Variants in CNTNAP2 observed in about 807,000 individuals in gnomAD.
CNTNAP2 encodes contactin-associated protein-like 2.
Under a neutral mutation model 155.2 loss-of-function variants are expected in CNTNAP2, and 98 were observed. The ratio of observed to expected loss-of-function variants is 0.63; its 90% CI spans 0.54 to 0.75. The LOEUF is 0.75. Ranked by LOEUF, CNTNAP2 falls within the 30% of genes least tolerant of loss-of-function variation. CNTNAP2 has a pLI of 0.00. For synonymous variants in CNTNAP2, 651 were observed against 631.2 expected (o/e 1.03, Z -0.47); for missense variants, 1,727 against 1,688.1 (o/e 1.02, Z -0.40).
At chr7:148,059,777 A>G (rs1013896096) in intron 15 of CNTNAP2, among the ~76,000 whole-genome samples, 1 of 149,348 alleles carries the variant, frequency 6.7e-6, no homozygotes, top group East Asian at 1.9e-4. Flanking sequence ...ATATATATAT[A>G]TTTAGTAAGG....
At chr7:147,800,478 A>G (rs566599582) in intron 13 of CNTNAP2, among the ~76,000 whole-genome samples, 2 of 152,310 alleles carry the variant, frequency 1.3e-5, no homozygotes, top group Non-Finnish European at 2.9e-5. Flanking sequence ...TCACTTTAAA[A>G]AAAAAAAAGT....
intron 13 of CNTNAP2, among the ~76,000 whole-genome samples, chr7:147,737,008 T>C (rs958896363): frequency 9.2e-5 from 14 of 152,230 alleles, no homozygotes; most frequent in Non-Finnish European, 2.1e-4. Flanking sequence ...ATCTGAAGCC[T>C]TCTTCTCTCA....
At chr7:147,726,395 G>A (rs12531094) in intron 13 of CNTNAP2, among the ~76,000 whole-genome samples, 1,708 of 152,066 alleles carry the variant, frequency 0.011, 93 homozygotes, top group Admixed American at 0.087. Flanking sequence ...CATGACAGAC[G>A]AGGGTTGGTA....
chr7:146,302,778 T>C (rs1333636676), intron 1 of CNTNAP2, among the ~76,000 whole-genome samples: 1 of 152,132 alleles, frequency 6.6e-6, no homozygotes. Context: ...CATCATCTTA[T>C]TATTACTATG....
At chr7:147,730,870 C>T (rs185196532) in intron 13 of CNTNAP2, among the ~76,000 whole-genome samples, 6 of 152,016 alleles carry the variant, frequency 3.9e-5, no homozygotes, top group Non-Finnish European at 8.8e-5. Context: ...AAAACATGAA[C>T]GATAGAAAAG....
chr7:147,325,961 A>C (rs544662761), intron 9 of CNTNAP2, among the ~76,000 whole-genome samples: 13 of 152,142 alleles, frequency 8.5e-5, no homozygotes, highest in South Asian at 4.2e-4. Context: ...CTTGCTCTGT[A>C]GCCCTGGCTG....
chr7:146,166,138 GGC>G (rs1362189589), intron 1 of CNTNAP2, among the ~76,000 whole-genome samples: 4 of 152,088 alleles, frequency 2.6e-5, no homozygotes, highest in African/African-American at 9.7e-5. Context: ...TTGTTGCCCA[GGC>G]TGGAGTGCAG....
intron 13 of CNTNAP2, among the ~76,000 whole-genome samples, chr7:147,642,145 C>T (rs972653872): frequency 1.6e-4 from 24 of 151,998 alleles, no homozygotes; most frequent in Admixed American, 2.6e-4. Flanking sequence ...GTTTCATGAG[C>T]GGCTGCTCCT....
intron 1 of CNTNAP2, among the ~76,000 whole-genome samples, chr7:146,759,841 C>T (rs2129183803): frequency 6.6e-6 from 1 of 152,158 alleles, no homozygotes; most frequent in Non-Finnish European, 1.5e-5. Context: ...TACCATAACA[C>T]CAATTAATAA....
chr7:146,168,889 A>G (rs1252646531), intron 1 of CNTNAP2, among the ~76,000 whole-genome samples: 2 of 152,136 alleles, frequency 1.3e-5, no homozygotes, highest in African/African-American at 2.4e-5. Flanking sequence ...ATACAAACCA[A>G]TGTCTTTAAA....
At chr7:148,156,012 G>C (rs138165381) in intron 17 of CNTNAP2, among the ~76,000 whole-genome samples, 15 of 152,336 alleles carry the variant, frequency 9.8e-5, no homozygotes, top group Admixed American at 6.5e-4. Context: ...CAGTTATGGA[G>C]TCTATGGGAG....
intron 1 of CNTNAP2, among the ~76,000 whole-genome samples, chr7:146,366,973 T>C (rs1002324510): frequency 6.6e-6 from 1 of 152,158 alleles, no homozygotes; most frequent in African/African-American, 2.4e-5. Flanking sequence ...ATCATATCTT[T>C]CCTTGAAAGA....
At chr7:147,513,466 A>G (rs1799057495) in intron 11 of CNTNAP2, among the ~76,000 whole-genome samples, 1 of 152,214 alleles carries the variant, frequency 6.6e-6, no homozygotes, top group Non-Finnish European at 1.5e-5. Context: ...CTAGAAAATA[A>G]ATACAGGGTT....
intron 2 of CNTNAP2, among the ~76,000 whole-genome samples, chr7:146,830,942 T>C (rs1447271224): frequency 6.6e-6 from 1 of 152,200 alleles, no homozygotes; most frequent in Non-Finnish European, 1.5e-5. Flanking sequence ...AACTAGCCAT[T>C]TTTTAATCTA....
intron 21 of CNTNAP2, among the ~76,000 whole-genome samples, chr7:148,317,426 G>A (rs992913563): frequency 3.3e-5 from 5 of 152,296 alleles, no homozygotes; most frequent in African/African-American, 1.2e-4. Flanking sequence ...GCCAAGTGCT[G>A]AGGCTCATGC....
At chr7:147,742,677 A>C (rs910176399) in intron 13 of CNTNAP2, among the ~76,000 whole-genome samples, 2 of 152,224 alleles carry the variant, frequency 1.3e-5, no homozygotes, top group Admixed American at 1.3e-4. Flanking sequence ...CAGCTTCAAT[A>C]GTGAAGCTAA....
At chr7:147,151,668 A>G (rs1801828593) in intron 8 of CNTNAP2, among the ~76,000 whole-genome samples, 1 of 152,056 alleles carries the variant, frequency 6.6e-6, no homozygotes, top group African/African-American at 2.4e-5. Context: ...AGCTTTTTCT[A>G]AAGGGTAAAA....
At chr7:146,550,277 C>G (rs956832650) in intron 1 of CNTNAP2, among the ~76,000 whole-genome samples, 14 of 151,854 alleles carry the variant, frequency 9.2e-5, no homozygotes, top group African/African-American at 3.4e-4. Context: ...TTGCCTGAGA[C>G]TCTTCCGGTG....
intron 13 of CNTNAP2, among the ~76,000 whole-genome samples, chr7:147,689,060 G>C (rs569277137): frequency 6.6e-6 from 1 of 151,686 alleles, no homozygotes; most frequent in South Asian, 2.1e-4. Flanking sequence ...GGAAAAACCA[G>C]TCCTTGAATT....
Sources: gnomAD v4.1 joint callset for allele counts (sites outside exome capture counted in the v4.1 genomes callset) on GRCh38, gnomAD v4.1.1 for gene constraint, MANE v1.5 for transcripts, NCBI Gene and HGNC (gene_info 2026-07-23, HGNC 2026-07-21) for gene names.